The following TMEM132B variants were observed in gnomAD, a reference collection of about 807,000 sequenced individuals.
TMEM132B encodes transmembrane protein 132B.
Under a neutral mutation model 90.8 loss-of-function variants are expected in TMEM132B, and 18 were observed. That is an observed-to-expected ratio of 0.20 (90% confidence interval 0.14 to 0.29). The LOEUF (loss-of-function observed/expected upper bound fraction) is 0.29, where lower values mean the gene tolerates loss of function less well. Among genes scored for constraint, TMEM132B ranks in the 10% least tolerant of loss-of-function variants. The pLI is 1.00. For synonymous variants in TMEM132B, 504 were observed against 523.3 expected, an observed-to-expected ratio of 0.96 and a Z score of 0.50; for missense variants, 1,096 against 1,326.8, an observed-to-expected ratio of 0.83 and a Z score of 2.70.
At chr12:125,212,459 G>A (rs560165071) in intron 1 of TMEM132B, among the ~76,000 whole-genome samples, 1 of 152,174 alleles carries the variant, frequency 6.6e-6, no homozygotes, top group Non-Finnish European at 1.5e-5. Context: ...TTGGGAGGCC[G>A]AGGCGGGTGG....
At chr12:125,270,058 G>A (rs1016281208) in intron 1 of TMEM132B, among the ~76,000 whole-genome samples, 1 of 151,438 alleles carries the variant, frequency 6.6e-6, no homozygotes, top group East Asian at 1.9e-4. Context: ...CACTTCCCAG[G>A]TTCCTTTGCA....
At chr12:125,519,875 C>G (rs577416604) in intron 4 of TMEM132B, among the ~76,000 whole-genome samples, 8 of 152,242 alleles carry the variant, frequency 5.3e-5, no homozygotes, top group Non-Finnish European at 1.2e-4. Context: ...TCTTTATTTT[C>G]TCAATCTGCG....
In TMEM132B at chr12:125,281,479, T is replaced by TGG. The variant is rs142544895; in HGVS notation, c.68-67973_68-67972insGG. Among the ~76,000 whole-genome samples the TGG allele has an allele frequency of 3.5e-3, 536 of 152,268 alleles. 2 individuals are homozygous for TGG. Among genetic ancestry groups the TGG allele is most frequent in the Middle Eastern group, 0.01 (3 of 294 alleles). On this transcript the variant is annotated intron_variant, in intron 1 of 8. Transcript: ENST00000682704. ...CCCACCCCGGTGGCTTTGAATCAGTTTTCCCCTCTTGCTTTCTGTGTTTGA... is the reference window on the plus strand; with the variant it reads ...CCCACCCCGGTGGCTTTGAATCAGTTGGTTCCCCTCTTGCTTTCTGTGTTTGA...
At chr12:125,547,219 A>G (rs1592986269) in intron 4 of TMEM132B, among the ~76,000 whole-genome samples, 1 of 152,184 alleles carries the variant, frequency 6.6e-6, no homozygotes, top group Admixed American at 6.5e-5. Flanking sequence ...AAACTGCCCA[A>G]CTTTCCCAGA....
chr12:125,350,119 C>A lies in TMEM132B; in HGVS notation c.735C>A (p.Asn245Lys). ...TGGAGGAGGAAGGCAAGTGGGAGAACAATATCCACTCGGGCCTGGAGAGCC... is the reference window on the plus strand; with the variant it reads ...TGGAGGAGGAAGGCAAGTGGGAGAAAAATATCCACTCGGGCCTGGAGAGCC... ...CPLEEEGKWE[N>K]NIHSGLESPQ... is the part of the protein sequence containing the mutation. The change falls in exon 2 of 9, where the codon AAC becomes AAA. Residue 245 changes from asparagine (N) to lysine (K), a missense_variant. By Grantham distance (94) the Asn-to-Lys change is moderately conservative. Transcript: ENST00000682704. 1 of 1,614,234 alleles carries A rather than the reference C, an allele frequency of 6.2e-7. No homozygotes were observed. Among genetic ancestry groups the A allele is most frequent in the South Asian group, 1.1e-5 (1 of 91,078 alleles).
At chr12:125,260,483 C>G (rs1369732834) in intron 1 of TMEM132B, among the ~76,000 whole-genome samples, 1 of 150,774 alleles carries the variant, frequency 6.6e-6, no homozygotes, top group Non-Finnish European at 1.5e-5. Context: ...TTACAAGTAG[C>G]TGGGACCATA....
intron 1 of TMEM132B, among the ~76,000 whole-genome samples, chr12:125,207,095 A>G (rs568585384): frequency 6.6e-6 from 1 of 152,338 alleles, no homozygotes; most frequent in African/African-American, 2.4e-5. Flanking sequence ...CATACAGCCC[A>G]GGGCATATCT....
intron 4 of TMEM132B, among the ~76,000 whole-genome samples, chr12:125,533,711 G>T (rs1883714257): frequency 6.6e-6 from 1 of 152,182 alleles, no homozygotes; most frequent in South Asian, 2.1e-4. Context: ...TGCCCGGCCT[G>T]ACTGGCTGCG....
intron 4 of TMEM132B, among the ~76,000 whole-genome samples, chr12:125,558,239 CTCTGCCCTGCCA>C (rs939413636): frequency 1.3e-5 from 2 of 152,104 alleles, no homozygotes; most frequent in African/African-American, 4.8e-5. Context: ...TGTCTGTTTG[CTCTGCCCTGCCA>C]TCTGTAACTC....
chr12:125,597,825 A>G (rs1885477554), intron 5 of TMEM132B, among the ~76,000 whole-genome samples: 1 of 152,106 alleles, frequency 6.6e-6, no homozygotes, highest in Non-Finnish European at 1.5e-5. Flanking sequence ...CTCCATTGCT[A>G]AAGTTTAGAG....
chr12:125,392,308 T>C (rs1488380726), intron 2 of TMEM132B, among the ~76,000 whole-genome samples: 2 of 152,078 alleles, frequency 1.3e-5, no homozygotes, highest in African/African-American at 4.8e-5. Context: ...TGGTTAAAAA[T>C]GGGTTGGAAT....
chr12:125,343,049 G>C (rs2136223407), intron 1 of TMEM132B, among the ~76,000 whole-genome samples: 1 of 152,238 alleles, frequency 6.6e-6, no homozygotes, highest in African/African-American at 2.4e-5. Flanking sequence ...CTGTTCTCCA[G>C]GGTACAATAA....
At chr12:125,511,337 A>G (rs1159410683) in intron 3 of TMEM132B, among the ~76,000 whole-genome samples, 2 of 151,922 alleles carry the variant, frequency 1.3e-5, no homozygotes, top group East Asian at 1.9e-4. Context: ...TTTGGGGGGG[A>G]TGAACCATAA....
intron 4 of TMEM132B, among the ~76,000 whole-genome samples, chr12:125,560,066 C>G (rs1490093787): frequency 6.6e-6 from 1 of 152,212 alleles, no homozygotes; most frequent in African/African-American, 2.4e-5. Context: ...AGCGTCAGAC[C>G]TGGTGTCCAC....
chr12:125,636,091 T>C (rs1422957510), intron 5 of TMEM132B, among the ~76,000 whole-genome samples: 3 of 152,186 alleles, frequency 2.0e-5, no homozygotes, highest in Non-Finnish European at 4.4e-5. Flanking sequence ...TTCAGTGATA[T>C]TAAGTTAAAG....
intron 1 of TMEM132B, among the ~76,000 whole-genome samples, chr12:125,256,337 A>T (rs1324313129): frequency 6.6e-6 from 1 of 152,240 alleles, no homozygotes; most frequent in Non-Finnish European, 1.5e-5. Flanking sequence ...GCTGCGAGGA[A>T]GGTCAGTCAT....
intron 1 of TMEM132B, among the ~76,000 whole-genome samples, chr12:125,244,270 T>G (rs1208276309): frequency 1.3e-5 from 2 of 152,194 alleles, no homozygotes; most frequent in Non-Finnish European, 2.9e-5. Flanking sequence ...GGGTCTATGC[T>G]CAGGAGTGGA....
chr12:125,542,796 T>A (rs955378887), intron 4 of TMEM132B, among the ~76,000 whole-genome samples: 4 of 152,208 alleles, frequency 2.6e-5, no homozygotes, highest in African/African-American at 7.2e-5. Flanking sequence ...GCTGTGAACA[T>A]GGGTGTTCAA....
intron 4 of TMEM132B, among the ~76,000 whole-genome samples, chr12:125,538,171 G>A (rs906622775): frequency 6.6e-6 from 1 of 152,194 alleles, no homozygotes; most frequent in Non-Finnish European, 1.5e-5. Context: ...GGAAACTGAG[G>A]TATGGGGTGA....
Sources: gnomAD v4.1 joint callset for allele counts (sites outside exome capture counted in the v4.1 genomes callset) on GRCh38, gnomAD v4.1.1 for gene constraint, MANE v1.5 for transcripts, NCBI Gene and HGNC (gene_info 2026-07-23, HGNC 2026-07-21) for gene names.